ETS1: variants seen among roughly 807,000 people sequenced by gnomAD.
ETS1 encodes ETS proto-oncogene 1, transcription factor, also known as protein C-ets-1.
ETS1 carries 15 observed loss-of-function variants against 58.6 expected under a neutral mutation model. The ratio of observed to expected loss-of-function variants is 0.26; its 90% CI spans 0.17 to 0.39. ETS1 has a LOEUF of 0.39. ETS1 is among the 10% of genes least tolerant of loss of function. The probability of loss-of-function intolerance (pLI) is 1.00; values close to 1 mark genes in which losing one functional copy is unlikely to be tolerated. For missense variants in ETS1, 417 were observed against 610.5 expected (o/e 0.68, Z 3.34); for synonymous variants, 214 against 218.2 (o/e 0.98, Z 0.17).
chr11:128,489,885 C>T (rs921252236), intron 4 of ETS1, among the ~76,000 whole-genome samples: 2 of 152,190 alleles, frequency 1.3e-5, no homozygotes, highest in African/African-American at 4.8e-5. Flanking sequence ...TCTCCCTGCT[C>T]TTAACTATAA....
intron 3 of ETS1, among the ~76,000 whole-genome samples, chr11:128,539,797 G>A (rs1375771126): frequency 1.3e-5 from 2 of 152,162 alleles, no homozygotes; most frequent in East Asian, 3.8e-4. Context: ...GATGATAAAA[G>A]GATATACTGA....
intron 3 of ETS1, chr11:128,522,340 C>G: frequency 9.7e-7 from 1 of 1,026,694 alleles, no homozygotes. Flanking sequence ...CTCGCCCTCC[C>G]GCGCTCTCCC....
intron 3 of ETS1, among the ~76,000 whole-genome samples, chr11:128,506,463 A>G (rs1178403188): frequency 6.6e-6 from 1 of 152,190 alleles, no homozygotes; most frequent in East Asian, 1.9e-4. Flanking sequence ...ACAGACGATG[A>G]GTGCTGGGAT....
chr11:128,529,227 C>T (rs1224548316), intron 3 of ETS1: 3 of 152,226 alleles, frequency 2.0e-5, no homozygotes, highest in Non-Finnish European at 4.4e-5. Flanking sequence ...AAATCCCTTT[C>T]ACCTTCTCAA....
chr11:128,584,069 C>A (rs921690069), intron 1 of ETS1, among the ~76,000 whole-genome samples: 1 of 152,038 alleles, frequency 6.6e-6, no homozygotes, highest in African/African-American at 2.4e-5. Flanking sequence ...CATATTGTTT[C>A]TTCTGTGTTT....
At chr11:128,510,636 G>T (rs896784065) in intron 3 of ETS1, among the ~76,000 whole-genome samples, 10 of 152,172 alleles carry the variant, frequency 6.6e-5, no homozygotes, top group African/African-American at 2.2e-4. Context: ...TTCCTGGCAA[G>T]CATTGAAGTT....
At chr11:128,538,370 A>G (rs1436803058) in intron 3 of ETS1, among the ~76,000 whole-genome samples, 1 of 152,202 alleles carries the variant, frequency 6.6e-6, no homozygotes, top group Non-Finnish European at 1.5e-5. Context: ...TAGCATAACT[A>G]GATTTTCAGA....
chr11:128,581,149 C>T (rs999372390), intron 1 of ETS1, among the ~76,000 whole-genome samples: 2 of 152,144 alleles, frequency 1.3e-5, no homozygotes, highest in Non-Finnish European at 2.9e-5. Flanking sequence ...AATCCCTCAC[C>T]ATACAGTACT....
rs1472395533 is a variant in ETS1 at position 128,464,484 on chromosome 11, TTTCTC to T, written c.1124-862_1124-858del. Among the ~76,000 whole-genome samples, 1 of 152,158 alleles carries T rather than the reference TTTCTC, an allele frequency of 6.6e-6. No individual in the cohort carries two copies. The highest frequency in any genetic ancestry group is 1.5e-5 in the Non-Finnish European group (1 of 68,016). On this transcript the variant is annotated intron_variant, in intron 8 of 9. Transcript: ENST00000392668. The surrounding 1 kb of genome is among the most constrained non-coding windows in gnomAD (Gnocchi z 4.1). Reference sequence around the variant, plus strand: ...CACACCGATTTCCTTTGAGGATACTTTTCTCATCTGAAATGACAATGCCACCAGTG... The same window carrying T: ...CACACCGATTTCCTTTGAGGATACTTATCTGAAATGACAATGCCACCAGTG...
At chr11:128,543,801 G>T (rs1283291040) in intron 3 of ETS1, among the ~76,000 whole-genome samples, 1 of 152,168 alleles carries the variant, frequency 6.6e-6, no homozygotes, top group Non-Finnish European at 1.5e-5. Context: ...TATCCTGAAA[G>T]ATATTTGAGA....
intron 1 of ETS1, among the ~76,000 whole-genome samples, chr11:128,585,124 G>GGAAAGAAAGAAGA (rs796425198): frequency 1.6e-4 from 1 of 6,440 alleles, no homozygotes; most frequent in Admixed American, 1.7e-3. Context: ...AGGAAAGAAA[G>GGAAAGAAAGAAGA]AAGAAAGAAA....
chr11:128,467,108 G>A (rs907315310), intron 8 of ETS1, among the ~76,000 whole-genome samples: 13 of 152,222 alleles, frequency 8.5e-5, no homozygotes, highest in African/African-American at 3.1e-4. Flanking sequence ...TGGGGAGCAA[G>A]AGAACTAGGA....
At chr11:128,480,078 C>T in intron 8 of ETS1, 113 bp downstream of exon 8, 2 of 1,397,878 alleles carry the variant, frequency 1.4e-6, no homozygotes, top group East Asian at 2.4e-5. Context: ...TCCCCCGTGC[C>T]CTGCAAAAGG....
At chr11:128,573,006 A>G (rs1046381720) in intron 2 of ETS1, 56 bp downstream of exon 2, 3 of 1,404,694 alleles carry the variant, frequency 2.1e-6, no homozygotes, top group Non-Finnish European at 3.0e-6. Context: ...AGGAAGCACA[A>G]GGAGGAGGGG....
rs147188307 is a variant in ETS1 at position 128,501,578 on chromosome 11, C to G, written c.215-11002G>C. ...TCAGCTTTGCACCATCTGCAATGCA[C>G]TAAGTGTGCTTTCTGTGTCTTTCTC... On this transcript the variant is annotated intron_variant, in intron 3 of 9. Transcript: ENST00000392668. 2.0e-5 allele frequency among the ~76,000 whole-genome samples: 3 copies of G among 152,334 alleles called. No individual in the cohort carries two copies. In the East Asian group the frequency reaches 5.8e-4, roughly 29 times the overall value.
At chr11:128,489,153 A>G in intron 5 of ETS1, 137 bp downstream of exon 5, 1 of 737,646 alleles carries the variant, frequency 1.4e-6, no homozygotes, top group Non-Finnish European at 2.4e-6. Context: ...GCAGTGTACT[A>G]GGCACATTCC....
chr11:128,481,549 G>A (rs1402187848), intron 7 of ETS1, among the ~76,000 whole-genome samples: 2 of 152,172 alleles, frequency 1.3e-5, no homozygotes, highest in African/African-American at 4.8e-5. Flanking sequence ...AATCATAGGA[G>A]ACTAGATGGT....
At chr11:128,525,556 G>A (rs1214264041) in intron 3 of ETS1, among the ~76,000 whole-genome samples, 2 of 147,388 alleles carry the variant, frequency 1.4e-5, no homozygotes, top group African/African-American at 5.0e-5. Context: ...GACCACTAAC[G>A]GCTGATCCAG....
chr11:128,510,594 C>T (rs1006952036), intron 3 of ETS1, among the ~76,000 whole-genome samples: 16 of 152,190 alleles, frequency 1.1e-4, no homozygotes, highest in African/African-American at 3.9e-4. Context: ...CACTTCGTGA[C>T]CTCACTAGGA....
Sources: gnomAD v4.1 joint callset for allele counts (sites outside exome capture counted in the v4.1 genomes callset) on GRCh38, gnomAD v4.1.1 for gene constraint, Gnocchi (gnomAD v3.1) non-coding constraint, MANE v1.5 for transcripts, NCBI Gene and HGNC (gene_info 2026-07-23, HGNC 2026-07-21) for gene names.